ZNF407: variants seen among roughly 807,000 people sequenced by gnomAD.
ZNF407 encodes zinc finger protein 407.
A neutral mutation model predicts 131.2 loss-of-function variants in ZNF407; 17 were observed. The observed-to-expected ratio is 0.13, with a 90% CI of 0.09 to 0.19. The LOEUF (loss-of-function observed/expected upper bound fraction) is 0.19. Among genes scored for constraint, ZNF407 ranks in the 10% least tolerant of loss-of-function variants. The probability of loss-of-function intolerance (pLI) is 1.00; values close to 1 mark genes in which losing one functional copy is unlikely to be tolerated. For missense variants in ZNF407, 2,681 were observed against 2,830.6 expected, an observed-to-expected ratio of 0.95 and a Z score of 1.20; for synonymous variants, 1,156 against 1,062.0, an observed-to-expected ratio of 1.09 and a Z score of -1.72.
At chr18:74,801,806 T>C (rs989119445) in intron 4 of ZNF407, among the ~76,000 whole-genome samples, 3 of 152,162 alleles carry the variant, frequency 2.0e-5, no homozygotes, top group Non-Finnish European at 4.4e-5. Context: ...AAATTGATGC[T>C]ACTCACTGTG....
At chr18:74,707,817 C>T (rs1352588132) in intron 3 of ZNF407, among the ~76,000 whole-genome samples, 1 of 152,146 alleles carries the variant, frequency 6.6e-6, no homozygotes, top group African/African-American at 2.4e-5. Context: ...ATCTGTATCT[C>T]CTACATCTGG....
intron 4 of ZNF407, among the ~76,000 whole-genome samples, chr18:74,808,453 T>C (rs901049860): frequency 3.3e-5 from 5 of 152,216 alleles, no homozygotes; most frequent in African/African-American, 1.2e-4. Flanking sequence ...TTATTAAGCA[T>C]AAAATGTATA....
chr18:74,893,073 C>A (rs566515230), intron 7 of ZNF407, among the ~76,000 whole-genome samples: 1 of 152,274 alleles, frequency 6.6e-6, no homozygotes, highest in South Asian at 2.1e-4. Flanking sequence ...AGGTTGAGAT[C>A]ATATTACTCG....
intron 4 of ZNF407, among the ~76,000 whole-genome samples, chr18:74,787,685 C>A (rs1008579707): frequency 1.3e-5 from 2 of 152,204 alleles, no homozygotes; most frequent in African/African-American, 4.8e-5. Flanking sequence ...ACGATTCCTT[C>A]TTTCTTCTAT....
intron 3 of ZNF407, among the ~76,000 whole-genome samples, chr18:74,674,929 T>G (rs1448994619): frequency 1.3e-5 from 2 of 152,212 alleles, no homozygotes; most frequent in African/African-American, 4.8e-5. Context: ...CAAATGTATA[T>G]CTCTAGTCTT....
At chr18:74,917,045 C>T (rs891396617) in intron 7 of ZNF407, among the ~76,000 whole-genome samples, 4 of 152,102 alleles carry the variant, frequency 2.6e-5, no homozygotes, top group Non-Finnish European at 4.4e-5. Flanking sequence ...AGGGTGACAA[C>T]GGCACGAGAG....
At chr18:74,608,257 T>C (rs1052130262) in intron 1 of ZNF407, among the ~76,000 whole-genome samples, 1 of 152,206 alleles carries the variant, frequency 6.6e-6, no homozygotes, top group African/African-American at 2.4e-5. Flanking sequence ...TCCATTGATA[T>C]CCTTTTTTTC....
chr18:74,882,712 T>A (rs1222885816), intron 6 of ZNF407, among the ~76,000 whole-genome samples: 1 of 152,224 alleles, frequency 6.6e-6, no homozygotes, highest in Non-Finnish European at 1.5e-5. Flanking sequence ...AGAAGCCACC[T>A]GTGCATGCCT....
At chr18:74,999,893 T>A (rs893009048) in intron 8 of ZNF407, among the ~76,000 whole-genome samples, 2 of 152,222 alleles carry the variant, frequency 1.3e-5, no homozygotes, top group Non-Finnish European at 2.9e-5. Flanking sequence ...AGGGCATGAA[T>A]CTGAACAGCC....
intron 3 of ZNF407, among the ~76,000 whole-genome samples, chr18:74,651,750 A>T (rs1217202533): frequency 6.6e-6 from 1 of 152,182 alleles, no homozygotes; most frequent in Non-Finnish European, 1.5e-5. Flanking sequence ...AGAGATATAA[A>T]GCCGAGGTGA....
intron 8 of ZNF407, among the ~76,000 whole-genome samples, chr18:74,932,837 C>T (rs1398934943): frequency 2.6e-5 from 4 of 152,000 alleles, no homozygotes; most frequent in Non-Finnish European, 5.9e-5. Context: ...TAAAAAAAAC[C>T]TACGACTACC....
intron 4 of ZNF407, among the ~76,000 whole-genome samples, chr18:74,796,921 T>G (rs1384622876): frequency 1.3e-5 from 2 of 152,162 alleles, no homozygotes; most frequent in Non-Finnish European, 2.9e-5. Context: ...TCAGCAAATG[T>G]TAAGAAAGTA....
intron 8 of ZNF407, among the ~76,000 whole-genome samples, chr18:75,008,383 A>G (rs1195358057): frequency 2.6e-5 from 4 of 152,206 alleles, no homozygotes; most frequent in Non-Finnish European, 1.5e-5. Context: ...CTGAAAGGCT[A>G]TATAGTTATG....
chr18:74,849,602 C>T (rs141164285), intron 4 of ZNF407, among the ~76,000 whole-genome samples: 264 of 152,240 alleles, frequency 1.7e-3, no homozygotes, highest in Middle Eastern at 0.014. Flanking sequence ...AAAACAGTAG[C>T]GGTGCCCTGT....
intron 8 of ZNF407, among the ~76,000 whole-genome samples, chr18:74,950,851 A>G (rs1444817070): frequency 6.6e-6 from 1 of 152,216 alleles, no homozygotes. Flanking sequence ...TTAACAGGAT[A>G]TGGTTTTTAA....
chr18:74,841,596 G>A (rs200201867), intron 4 of ZNF407, among the ~76,000 whole-genome samples: 11 of 152,212 alleles, frequency 7.2e-5, no homozygotes, highest in Admixed American at 7.2e-4. Flanking sequence ...TGACTGCTAC[G>A]TAAAAGGCCC....
chr18:75,053,307 C>G (rs549319046), intron 8 of ZNF407, among the ~76,000 whole-genome samples: 4 of 152,298 alleles, frequency 2.6e-5, no homozygotes, highest in South Asian at 2.1e-4. Context: ...CCCGTCAGGT[C>G]TGGGCTCAAT....
chr18:74,950,710 TGCGC>T (rs1972203989), intron 8 of ZNF407, among the ~76,000 whole-genome samples: 1 of 152,254 alleles, frequency 6.6e-6, no homozygotes, highest in Non-Finnish European at 1.5e-5. Context: ...TCTGTTTTGC[TGCGC>T]GTTAAGAAGC....
intron 7 of ZNF407, among the ~76,000 whole-genome samples, chr18:74,890,592 T>G (rs1971370804): frequency 1.3e-5 from 2 of 152,358 alleles, no homozygotes; most frequent in South Asian, 4.1e-4. Flanking sequence ...GGAAACCATT[T>G]TAATTAATCA....
Sources: gnomAD v4.1 joint callset for allele counts (sites outside exome capture counted in the v4.1 genomes callset) on GRCh38, gnomAD v4.1.1 for gene constraint, MANE v1.5 for transcripts, NCBI Gene and HGNC (gene_info 2026-07-23, HGNC 2026-07-21) for gene names.